GALNT10: variants seen among roughly 807,000 people sequenced by gnomAD.
GALNT10 encodes the protein GalNAc transferase 10.
GALNT10 carries 41 observed loss-of-function variants against 75.0 expected under a neutral mutation model. The ratio of observed to expected loss-of-function variants is 0.55; its 90% CI spans 0.43 to 0.71. GALNT10 has a LOEUF of 0.71. GALNT10 is among the 30% of genes least tolerant of loss of function. GALNT10 has a pLI of 0.00. For synonymous variants in GALNT10, 302 were observed against 313.0 expected, an observed-to-expected ratio of 0.96 and a Z score of 0.37; for missense variants, 727 against 818.5, an observed-to-expected ratio of 0.89 and a Z score of 1.36.
At chr5:154,350,192 A>G (rs1251070267) in intron 4 of GALNT10, among the ~76,000 whole-genome samples, 2 of 144,030 alleles carry the variant, frequency 1.4e-5, no homozygotes, top group Admixed American at 6.8e-5. Context: ...TTTCCTTTAA[A>G]AAAAAAAAAA....
At position 154,416,975 on chromosome 5, in the gene GALNT10, C is replaced by A; in HGVS notation, c.*3C>A. 6.2e-7 allele frequency: 1 copy of A among 1,613,920 alleles called. No homozygotes were observed. The highest frequency in any genetic ancestry group is 1.7e-5 in the Admixed American group (1 of 60,026). The stretch of plus-strand genomic sequence containing the variant: ...TGGAAAAATTCAATAGGAACTGAGC[C>A]CTCATGTCCCCTTGGCAGGCCCCCC... On this transcript the variant is annotated 3_prime_UTR_variant, in exon 12 of 12. Transcript: ENST00000297107. The surrounding 1 kb of genome is among the most constrained non-coding windows in gnomAD (Gnocchi z 4.5).
chr5:154,203,172 G>C (rs1340713720), intron 1 of GALNT10, among the ~76,000 whole-genome samples: 1 of 152,048 alleles, frequency 6.6e-6, no homozygotes, highest in Non-Finnish European at 1.5e-5. Context: ...TTTCACTTTG[G>C]GTGTATGACT....
In GALNT10 at chr5:154,292,984, T is replaced by TC. The variant is rs914324206; in HGVS notation, c.160-1828dup. ...CGCCTTAGTTTTTGTAGTTTTTTTT[T>TC]CCCCTCTCTAACCAAGACATCTAGC... On this transcript the variant is annotated intron_variant, in intron 1 of 11. Transcript: ENST00000297107. Among the ~76,000 whole-genome samples the TC allele has an allele frequency of 9.7e-4, 144 of 147,730 alleles. 1 individual carries two copies. The highest frequency in any genetic ancestry group is 3.5e-3 in the African/African-American group (132 of 37,224).
intron 6 of GALNT10, among the ~76,000 whole-genome samples, chr5:154,385,303 A>C (rs1755792390): frequency 6.6e-6 from 1 of 152,196 alleles, no homozygotes; most frequent in Non-Finnish European, 1.5e-5. Flanking sequence ...AGTCAGCAGC[A>C]TGACGTTTCC....
chr5:154,239,427 C>T (rs1467916426), intron 1 of GALNT10, among the ~76,000 whole-genome samples: 2 of 152,164 alleles, frequency 1.3e-5, no homozygotes, highest in East Asian at 1.9e-4. Flanking sequence ...AGCTGAGCTC[C>T]GCCTCCTGTC....
chr5:154,200,622 C>G (rs1020143624), intron 1 of GALNT10, among the ~76,000 whole-genome samples: 1 of 152,222 alleles, frequency 6.6e-6, no homozygotes, highest in East Asian at 1.9e-4. Context: ...AAATTTGGTA[C>G]CTAACTTCAG....
intron 4 of GALNT10, among the ~76,000 whole-genome samples, chr5:154,348,592 C>G (rs1000700098): frequency 6.6e-6 from 1 of 152,152 alleles, no homozygotes; most frequent in Non-Finnish European, 1.5e-5. Flanking sequence ...AGTGACTTTT[C>G]TAGGTGTTGG....
In GALNT10 at chr5:154,412,669, C is replaced by T; in HGVS notation, c.1387-220C>T. The T allele has an allele frequency of 6.2e-6, 3 of 487,452 alleles. No individual in the cohort carries two copies. Among genetic ancestry groups the T allele is most frequent in the South Asian group, 6.0e-5 (3 of 50,328 alleles). The allele number at this position is 487,452 out of a possible 1,614,324, so 30.2% of individuals were successfully genotyped here. A position where few individuals can be genotyped will look rare whatever the true frequency, so the allele number is the denominator to read the frequency against. On this transcript the variant is annotated intron_variant, in intron 9 of 11. Transcript: ENST00000297107. The surrounding 1 kb of genome is among the most constrained non-coding windows in gnomAD (Gnocchi z 4.2). ...CCAGGACTCTGCATACTCTACAATA[C>T]TACTTACAGCAGTGCTTTAAGGATT...
intron 1 of GALNT10, among the ~76,000 whole-genome samples, chr5:154,275,309 G>A (rs1753933136): frequency 6.6e-6 from 1 of 152,222 alleles, no homozygotes; most frequent in Non-Finnish European, 1.5e-5. Context: ...TTCACAATGA[G>A]ATAGATAGGG....
intron 1 of GALNT10, among the ~76,000 whole-genome samples, chr5:154,210,327 C>T (rs756086123): frequency 3.3e-5 from 5 of 152,082 alleles, no homozygotes; most frequent in Admixed American, 6.5e-5. Context: ...AGTTACCTAC[C>T]GTGCACACAA....
intron 4 of GALNT10, among the ~76,000 whole-genome samples, chr5:154,351,122 A>T (rs1005220630): frequency 1.3e-5 from 2 of 152,268 alleles, no homozygotes; most frequent in South Asian, 4.1e-4. Flanking sequence ...TTGAATTTGT[A>T]TAATGTGACA....
chr5:154,376,165 G>A lies in GALNT10; in HGVS notation c.569-112G>A, dbSNP rs1016974964. ...TGTCTGAAAGGTCTAGTGAGGCAGT[G>A]TACAGGAAAGCTGTGTCTAGACTGT... is the stretch of plus-strand genomic sequence containing the variant. On this transcript the variant is annotated intron_variant, in intron 4 of 11. Transcript: ENST00000297107. This position sits in a 1 kb window ranked among gnomAD's most constrained non-coding sequence, Gnocchi z 4.1. 2 of 737,976 alleles carry A rather than the reference G, an allele frequency of 2.7e-6. No individual in the cohort carries two copies. The allele number at this position is 737,976 out of a possible 1,614,324, so 45.7% of individuals were successfully genotyped here.
chr5:154,302,439 G>C (rs1024740896), intron 3 of GALNT10, among the ~76,000 whole-genome samples: 1 of 152,342 alleles, frequency 6.6e-6, no homozygotes, highest in East Asian at 1.9e-4. Context: ...TGGCTGGTGG[G>C]CTGGCCCACT....
chr5:154,344,209 CTTT>C (rs869306243), intron 4 of GALNT10, among the ~76,000 whole-genome samples: 449 of 35,496 alleles, frequency 0.013, 3 homozygotes, highest in South Asian at 0.022. Flanking sequence ...TTCTTTCTTT[CTTT>C]TTTTTTTTTT....
intron 1 of GALNT10, among the ~76,000 whole-genome samples, chr5:154,239,502 T>C (rs527523266): frequency 6.6e-6 from 1 of 152,308 alleles, no homozygotes; most frequent in East Asian, 1.9e-4. Flanking sequence ...ATGCAAGGGA[T>C]CCAGGTTGCA....
At chr5:154,393,885 AC>A (rs1329359800) in intron 7 of GALNT10, among the ~76,000 whole-genome samples, 1 of 152,154 alleles carries the variant, frequency 6.6e-6, no homozygotes, top group African/African-American at 2.4e-5. Flanking sequence ...GGTTCTCAGC[AC>A]TTCCAGCCCA....
At chr5:154,275,502 C>T (rs1480901724) in intron 1 of GALNT10, among the ~76,000 whole-genome samples, 1 of 152,220 alleles carries the variant, frequency 6.6e-6, no homozygotes, top group East Asian at 1.9e-4. Context: ...TGGTGCTTAA[C>T]AAATTGCCCC....
At chr5:154,335,877 C>A (rs1479226460) in intron 4 of GALNT10, among the ~76,000 whole-genome samples, 1 of 152,306 alleles carries the variant, frequency 6.6e-6, no homozygotes, top group African/African-American at 2.4e-5. Context: ...TGGTGTTGTA[C>A]ATTCTATGGA....
chr5:154,405,417 C>G (rs1295620001), intron 8 of GALNT10, among the ~76,000 whole-genome samples: 1 of 152,208 alleles, frequency 6.6e-6, no homozygotes. Context: ...ACGCCCTCAC[C>G]AGCCATCCGC....
Sources: gnomAD v4.1 joint callset for allele counts (sites outside exome capture counted in the v4.1 genomes callset) on GRCh38, gnomAD v4.1.1 for gene constraint, Gnocchi (gnomAD v3.1) non-coding constraint, MANE v1.5 for transcripts, NCBI Gene and HGNC (gene_info 2026-07-23, HGNC 2026-07-21) for gene names.